The following DIP2B variants were observed in gnomAD, a reference collection of about 807,000 sequenced individuals.
DIP2B encodes disco-interacting protein 2 homolog B.
In DIP2B, 76 loss-of-function variants were observed where a neutral mutation model predicts 198.0. The observed-to-expected ratio is 0.38, with a 90% CI of 0.32 to 0.46. DIP2B has a LOEUF of 0.46. Ranked by LOEUF, DIP2B falls within the 20% of genes least tolerant of loss-of-function variation. DIP2B has a pLI of 0.99. For missense variants in DIP2B, 1,559 were observed against 1,978.4 expected, an observed-to-expected ratio of 0.79 and a Z score of 4.02; for synonymous variants, 701 against 739.1, an observed-to-expected ratio of 0.95 and a Z score of 0.84.
intron 1 of DIP2B, among the ~76,000 whole-genome samples, chr12:50,511,291 A>ATTTTTCTTTTTTTTT (rs1958013803): frequency 1.5e-5 from 1 of 64,664 alleles, no homozygotes; most frequent in African/African-American, 6.0e-5. Flanking sequence ...TGTGATTTCT[A>ATTTTTCTTTTTTTTT]TTTTTTTTTT....
intron 1 of DIP2B, among the ~76,000 whole-genome samples, chr12:50,604,961 A>G (rs901910066): frequency 2.0e-5 from 3 of 152,178 alleles, no homozygotes; most frequent in Non-Finnish European, 4.4e-5. Context: ...CTTCAGATGC[A>G]CAGGAGATAA....
chr12:50,506,666 A>G lies in DIP2B; in HGVS notation c.100+1426A>G, dbSNP rs1207449548. Among the ~76,000 whole-genome samples, 4 of 152,274 alleles carry G rather than the reference A, an allele frequency of 2.6e-5. 1 individual carries two copies. The highest frequency in any genetic ancestry group is 1.3e-4 in the Admixed American group (2 of 15,304). On this transcript the variant is annotated intron_variant, in intron 1 of 37. Transcript: ENST00000301180. ...CTGTGAAGTGTTTAAGAAGATAGGAATCCTCTGGGTTTGTCTGCCCAGTTA... is the reference window on the plus strand; with the variant it reads ...CTGTGAAGTGTTTAAGAAGATAGGAGTCCTCTGGGTTTGTCTGCCCAGTTA...
intron 9 of DIP2B, among the ~76,000 whole-genome samples, chr12:50,680,965 G>A (rs1181359188): frequency 6.6e-6 from 1 of 152,104 alleles, no homozygotes; most frequent in African/African-American, 2.4e-5. Context: ...AAGGAAATTC[G>A]CATGTCCTTT....
intron 1 of DIP2B, among the ~76,000 whole-genome samples, chr12:50,618,791 C>A (rs191505849): frequency 3.9e-5 from 6 of 152,194 alleles, no homozygotes; most frequent in Admixed American, 3.9e-4. Context: ...ACATAGGAGG[C>A]CCTTGATAAG....
intron 13 of DIP2B, among the ~76,000 whole-genome samples, chr12:50,692,439 C>A (rs1939237726): frequency 6.6e-6 from 1 of 152,128 alleles, no homozygotes; most frequent in African/African-American, 2.4e-5. Flanking sequence ...CAAGAAGTTT[C>A]TAACTCCTTG....
At chr12:50,650,081 G>T (rs572163656) in intron 3 of DIP2B, among the ~76,000 whole-genome samples, 1 of 151,958 alleles carries the variant, frequency 6.6e-6, no homozygotes, top group South Asian at 2.1e-4. Context: ...GTGGTGGTGG[G>T]TGCCTGTAAT....
At chr12:50,520,883 T>A (rs960144941) in intron 1 of DIP2B, among the ~76,000 whole-genome samples, 5 of 152,012 alleles carry the variant, frequency 3.3e-5, no homozygotes, top group African/African-American at 4.8e-5. Context: ...TCTATTACAA[T>A]CATATGGGTT....
In DIP2B at chr12:50,693,858, T is replaced by G. The variant is rs1939260839; in HGVS notation, c.1719+845T>G. ...AAAACAGTATCTTGCAGTAGTATCTTGGTTTCTTTGGGCAAGTTAGAGAGT... is the reference window on the plus strand; with the variant it reads ...AAAACAGTATCTTGCAGTAGTATCTGGGTTTCTTTGGGCAAGTTAGAGAGT... On this transcript the variant is annotated intron_variant, in intron 14 of 37. Transcript: ENST00000301180. Among the ~76,000 whole-genome samples, 3 of 152,276 alleles carry G rather than the reference T, an allele frequency of 2.0e-5. No homozygotes were observed. The South Asian group carries it at 6.2e-4, about 32-fold the overall frequency.
intron 1 of DIP2B, among the ~76,000 whole-genome samples, chr12:50,558,031 T>A (rs1178425166): frequency 6.6e-6 from 1 of 151,826 alleles, no homozygotes; most frequent in Non-Finnish European, 1.5e-5. Flanking sequence ...GTGTTATAGA[T>A]GGTAAAAAGT....
intron 1 of DIP2B, among the ~76,000 whole-genome samples, chr12:50,610,408 C>G (rs910190131): frequency 2.0e-5 from 3 of 152,034 alleles, no homozygotes; most frequent in Non-Finnish European, 4.4e-5. Flanking sequence ...GCATTGTTGT[C>G]TTTGCTATTT....
chr12:50,735,606 A>C (rs895218926), intron 34 of DIP2B, among the ~76,000 whole-genome samples: 2 of 152,034 alleles, frequency 1.3e-5, no homozygotes, highest in Non-Finnish European at 2.9e-5. Context: ...CCGGGGTTAC[A>C]GGCACCTGCC....
rs1057162352 is a variant in DIP2B, at chr12:50,686,467, T to C, written c.1442-106T>C. ...TAAAAACTAAGTATTTTATTGATTA[T>C]AAAATGATCTTAATTTGGTCTCTTG... On this transcript the variant is annotated intron_variant, in intron 11 of 37. Transcript: ENST00000301180. 3.8e-5 allele frequency: 35 copies of C among 923,346 alleles called. No individual in the cohort carries two copies. In the African/African-American group the frequency reaches 5.9e-4, roughly 16 times the overall value. The allele number at this position is 923,346 out of a possible 1,614,324, so 57.2% of individuals were successfully genotyped here.
chr12:50,734,819 T>C (rs1168508053), intron 33 of DIP2B, among the ~76,000 whole-genome samples: 1 of 152,174 alleles, frequency 6.6e-6, no homozygotes, highest in East Asian at 1.9e-4. Flanking sequence ...TGGGTTGTCA[T>C]AAAAGGGGGC....
At position 50,511,291 on chromosome 12, in the gene DIP2B, A is replaced by ATTTTTTT. The variant is rs71083581; in HGVS notation, c.100+6066_100+6072dup. On this transcript the variant is annotated intron_variant, in intron 1 of 37. Coordinates refer to ENST00000301180, the MANE Select transcript of DIP2B (RefSeq NM_173602.3). ...CCTATCCCTGACCAGTGTGATTTCT[A>ATTTTTTT]TTTTTTTTTTTTTTTTTTTTTGAGA... Among the ~76,000 whole-genome samples the ATTTTTTT allele has an allele frequency of 1.7e-3, 109 of 64,656 alleles. 17 individuals are homozygous for ATTTTTTT. Among genetic ancestry groups the ATTTTTTT allele is most frequent in the African/African-American group, 5.1e-3 (85 of 16,534 alleles). 42.4% of individuals were successfully genotyped at this position (64,656 alleles called of 152,430 possible).
intron 12 of DIP2B, among the ~76,000 whole-genome samples, chr12:50,690,433 TC>T (rs1157390725): frequency 6.6e-6 from 1 of 152,138 alleles, no homozygotes; most frequent in Non-Finnish European, 1.5e-5. Context: ...TGCCTGTAGT[TC>T]CAGCTACTCA....
intron 1 of DIP2B, among the ~76,000 whole-genome samples, chr12:50,608,711 T>C (rs1959005779): frequency 6.6e-6 from 1 of 152,084 alleles, no homozygotes; most frequent in African/African-American, 2.4e-5. Context: ...ACACTCTTAA[T>C]GCGTGTTCCT....
At chr12:50,589,757 G>A (rs1958802728) in intron 1 of DIP2B, among the ~76,000 whole-genome samples, 1 of 151,998 alleles carries the variant, frequency 6.6e-6, no homozygotes, top group African/African-American at 2.4e-5. Context: ...GGGGCCAGAG[G>A]GTGTATCCTC....
At chr12:50,676,555 C>T (rs1388130506) in intron 7 of DIP2B, among the ~76,000 whole-genome samples, 3 of 152,174 alleles carry the variant, frequency 2.0e-5, no homozygotes, top group Non-Finnish European at 4.4e-5. Context: ...TGACCAGGCA[C>T]ATGAAGGTCA....
At position 50,505,311 on chromosome 12, in the gene DIP2B, C is replaced by G. The variant is rs936239981; in HGVS notation, c.100+71C>G. ...CGGCGACTTGGGAGACAGGTCCCCGCCGCGCGCTCTGGCGGCCGTGCGGCG... is the reference window on the plus strand; with the variant it reads ...CGGCGACTTGGGAGACAGGTCCCCGGCGCGCGCTCTGGCGGCCGTGCGGCG... On this transcript the variant is annotated intron_variant, in intron 1 of 37. Transcript: ENST00000301180. 11 of 1,280,974 alleles carry G rather than the reference C, an allele frequency of 8.6e-6. No homozygotes were observed. The African/African-American group carries it at 1.6e-4, about 18-fold the overall frequency. The allele number at this position is 1,280,974 out of a possible 1,614,324, so 79.4% of individuals were successfully genotyped here.
Sources: gnomAD v4.1 joint callset for allele counts (sites outside exome capture counted in the v4.1 genomes callset) on GRCh38, gnomAD v4.1.1 for gene constraint, MANE v1.5 for transcripts, NCBI Gene and HGNC (gene_info 2026-07-23, HGNC 2026-07-21) for gene names.